The following SLC8A1 variants were observed in gnomAD, a reference collection of about 807,000 sequenced individuals.
SLC8A1 encodes sodium/calcium exchanger 1.
A neutral mutation model predicts 68.3 loss-of-function variants in SLC8A1; 18 were observed. The observed-to-expected ratio is 0.26, with a 90% confidence interval of 0.18 to 0.39. The LOEUF (loss-of-function observed/expected upper bound fraction) is 0.39, where lower values mean the gene tolerates loss of function less well. SLC8A1 is among the 10% of genes least tolerant of loss of function. SLC8A1 has a pLI of 1.00. For missense variants in SLC8A1, 985 were observed against 1,156.7 expected (o/e 0.85, Z 2.15); for synonymous variants, 475 against 415.5 (o/e 1.14, Z -1.74).
At chr2:40,410,960 T>C (rs1301121024) in intron 2 of SLC8A1, among the ~76,000 whole-genome samples, 1 of 152,062 alleles carries the variant, frequency 6.6e-6, no homozygotes, top group Non-Finnish European at 1.5e-5. Context: ...ACCCCAAGAA[T>C]GTGCCCTTTC....
intron 1 of SLC8A1, among the ~76,000 whole-genome samples, chr2:40,449,952 G>T (rs534416847): frequency 2.0e-5 from 3 of 152,232 alleles, no homozygotes; most frequent in South Asian, 2.1e-4. Context: ...TTTATAGCAG[G>T]TGTGAGAAAT....
chr2:40,260,074 A>G (rs2064483965), intron 2 of SLC8A1, among the ~76,000 whole-genome samples: 1 of 152,200 alleles, frequency 6.6e-6, no homozygotes, highest in African/African-American at 2.4e-5. Context: ...ATATATTGCA[A>G]CCTAACAAAC....
chr2:40,226,837 A>G (rs1208321674), intron 2 of SLC8A1, among the ~76,000 whole-genome samples: 2 of 152,220 alleles, frequency 1.3e-5, no homozygotes, highest in African/African-American at 2.4e-5. Flanking sequence ...ATGAGCATCT[A>G]TTAATAGAAG....
intron 1 of SLC8A1, among the ~76,000 whole-genome samples, chr2:40,449,013 G>A (rs1000921008): frequency 2.0e-5 from 3 of 151,874 alleles, no homozygotes; most frequent in Admixed American, 1.3e-4. Flanking sequence ...TCTTTTTCCA[G>A]ATCTAATTTA....
chr2:40,239,473 G>A (rs1055633990), intron 2 of SLC8A1, among the ~76,000 whole-genome samples: 1 of 152,190 alleles, frequency 6.6e-6, no homozygotes, highest in Non-Finnish European at 1.5e-5. Context: ...TTGCATTACA[G>A]ATTAGGGAAC....
chr2:40,479,371 T>C (rs1704491222), intron 1 of SLC8A1, among the ~76,000 whole-genome samples: 1 of 152,246 alleles, frequency 6.6e-6, no homozygotes, highest in South Asian at 2.1e-4. Context: ...AATTAATTGT[T>C]CTACTAGAGC....
intron 1 of SLC8A1, among the ~76,000 whole-genome samples, chr2:40,435,821 G>A (rs1008434539): frequency 3.3e-5 from 5 of 152,080 alleles, no homozygotes; most frequent in African/African-American, 9.7e-5. Context: ...TGTCGCCCAG[G>A]CTGGAGTGCA....
chr2:40,285,282 C>T (rs546455158), intron 2 of SLC8A1, among the ~76,000 whole-genome samples: 15 of 152,242 alleles, frequency 9.9e-5, no homozygotes, highest in South Asian at 4.1e-4. Context: ...ATCTGACAGA[C>T]GTTCTCTTTA....
chr2:40,436,159 C>T (rs958553260), intron 1 of SLC8A1, among the ~76,000 whole-genome samples: 7 of 151,274 alleles, frequency 4.6e-5, no homozygotes, highest in Admixed American at 4.6e-4. Flanking sequence ...TCTCTAAGGG[C>T]AGGGATTTTC....
chr2:40,300,196 C>T (rs942649435), intron 2 of SLC8A1, among the ~76,000 whole-genome samples: 5 of 152,158 alleles, frequency 3.3e-5, no homozygotes, highest in Non-Finnish European at 7.3e-5. Flanking sequence ...GGGCTTGATT[C>T]CCCATATTAA....
chr2:40,370,472 T>C (rs1381068993), intron 2 of SLC8A1, among the ~76,000 whole-genome samples: 1 of 152,118 alleles, frequency 6.6e-6, no homozygotes, highest in Non-Finnish European at 1.5e-5. Context: ...AGTGTTGTTT[T>C]AAAGTGACTT....
chr2:40,345,672 G>C (rs1669023859), intron 2 of SLC8A1, among the ~76,000 whole-genome samples: 1 of 152,126 alleles, frequency 6.6e-6, no homozygotes, highest in Non-Finnish European at 1.5e-5. Flanking sequence ...CCATAGAAAA[G>C]AATAAGTTCA....
chr2:40,491,752 C>T (rs1203367275), intron 1 of SLC8A1, among the ~76,000 whole-genome samples: 1 of 152,092 alleles, frequency 6.6e-6, no homozygotes. Context: ...TGGTTTTTGT[C>T]TTTGGTTCTG....
intron 2 of SLC8A1, among the ~76,000 whole-genome samples, chr2:40,257,274 C>G (rs909460224): frequency 2.0e-5 from 3 of 152,108 alleles, no homozygotes; most frequent in Non-Finnish European, 4.4e-5. Context: ...TAGTGCCTTC[C>G]TAACACGCAA....
At chr2:40,463,041 G>A (rs1158423645) in intron 1 of SLC8A1, among the ~76,000 whole-genome samples, 5 of 152,134 alleles carry the variant, frequency 3.3e-5, no homozygotes, top group Non-Finnish European at 4.4e-5. Context: ...TCATCGTGGG[G>A]AAGAAAACTA....
intron 2 of SLC8A1, among the ~76,000 whole-genome samples, chr2:40,382,537 T>A (rs753062056): frequency 2.6e-5 from 4 of 152,154 alleles, no homozygotes; most frequent in Non-Finnish European, 5.9e-5. Flanking sequence ...TTGTAAGTAC[T>A]AATAAACACT....
At chr2:40,269,785 GT>G (rs35553709) in intron 2 of SLC8A1, among the ~76,000 whole-genome samples, 30,835 of 149,450 alleles carry the variant, frequency 0.21, 3,408 homozygotes, top group Admixed American at 0.32. Context: ...GACTGTTGCT[GT>G]TTTTTTTTTC....
At chr2:40,170,070 G>A (rs1428228099) in intron 4 of SLC8A1, among the ~76,000 whole-genome samples, 2 of 152,212 alleles carry the variant, frequency 1.3e-5, no homozygotes, top group African/African-American at 4.8e-5. Flanking sequence ...CTTCTCTGCA[G>A]GCTGGGCTGG....
intron 2 of SLC8A1, among the ~76,000 whole-genome samples, chr2:40,316,545 T>C (rs1452802295): frequency 6.6e-6 from 1 of 152,066 alleles, no homozygotes; most frequent in East Asian, 1.9e-4. Flanking sequence ...TTAAGCCTGA[T>C]AAAGCTTTAG....
Sources: gnomAD v4.1 joint callset for allele counts (sites outside exome capture counted in the v4.1 genomes callset) on GRCh38, gnomAD v4.1.1 for gene constraint, MANE v1.5 for transcripts, NCBI Gene and HGNC (gene_info 2026-07-23, HGNC 2026-07-21) for gene names.